PARVB: variants seen among roughly 807,000 people sequenced by gnomAD.
PARVB encodes the protein beta-parvin.
Under a neutral mutation model 47.0 loss-of-function variants are expected in PARVB, and 46 were observed. That is an observed-to-expected ratio of 0.98 (90% CI 0.77 to 1.25). The LOEUF (loss-of-function observed/expected upper bound fraction) is 1.25, where lower values mean the gene tolerates loss of function less well. Ranked by LOEUF, PARVB falls within the 50% of genes most tolerant of loss-of-function variation. The pLI is 0.00. For synonymous variants in PARVB, 196 were observed against 196.3 expected (o/e 1.00, Z 0.01); for missense variants, 473 against 471.6 (o/e 1.00, Z -0.03).
intron 2 of PARVB, among the ~76,000 whole-genome samples, chr22:44,006,079 A>G (rs2050461470): frequency 6.6e-6 from 1 of 152,200 alleles, no homozygotes; most frequent in Non-Finnish European, 1.5e-5. Context: ...AATAGCTGGG[A>G]CCACAGGCGC....
chr22:44,042,494 G>A (rs1175553610), intron 1 of PARVB, among the ~76,000 whole-genome samples: 3 of 152,232 alleles, frequency 2.0e-5, no homozygotes, highest in Non-Finnish European at 2.9e-5. Context: ...GGTTACAGCT[G>A]TAGGCATTTG....
intron 8 of PARVB, chr22:44,141,543 G>A (rs1725160411): frequency 6.6e-6 from 1 of 152,198 alleles, no homozygotes; most frequent in Non-Finnish European, 1.5e-5. Flanking sequence ...GATTAAGGGT[G>A]GTCTGCCTTT....
At chr22:44,020,085 T>C (rs1330956732), upstream of PARVB, among the ~76,000 whole-genome samples, 1 of 151,512 alleles carries the variant, frequency 6.6e-6, no homozygotes, top group Non-Finnish European at 1.5e-5. Context: ...CAGCTGGGTG[T>C]CCCCCAGTCC....
intron 4 of PARVB, among the ~76,000 whole-genome samples, chr22:44,123,706 C>T (rs777584649): frequency 1.2e-4 from 18 of 151,800 alleles, no homozygotes; most frequent in African/African-American, 4.1e-4. Context: ...TGAGCCACTG[C>T]GCCTGGCCAA....
intron 1 of PARVB, among the ~76,000 whole-genome samples, chr22:44,044,639 C>A (rs1296967671): frequency 6.6e-6 from 1 of 152,070 alleles, no homozygotes; most frequent in Non-Finnish European, 1.5e-5. Flanking sequence ...GCATGCACCA[C>A]CACACCCAGC....
At chr22:44,131,215 T>C (rs6006670) in intron 4 of PARVB, among the ~76,000 whole-genome samples, 40,485 of 149,718 alleles carry the variant, frequency 0.27, 5,841 homozygotes, top group East Asian at 0.58. Flanking sequence ...GATCTTGGCT[T>C]ACTGCAACCT....
Position 44,172,843 on chromosome 22 carries a change from A to C in PARVB, c.*4165A>C. 2.9e-6 allele frequency: 2 copies of C among 688,558 alleles called. No homozygotes were observed. The highest frequency in any genetic ancestry group is 4.2e-6 in the Non-Finnish European group (2 of 478,724). The allele number at this position is 688,558 out of a possible 1,614,324, so 42.7% of individuals were successfully genotyped here. Reference sequence around the variant, plus strand: ...GCGCTTTTCAGGAGCTCACTGCAACACCGGGCAAACACTTCTTCCGCCAGG... The same window carrying C: ...GCGCTTTTCAGGAGCTCACTGCAACCCCGGGCAAACACTTCTTCCGCCAGG... On this transcript the variant is annotated 3_prime_UTR_variant, in exon 13 of 13. Transcript: ENST00000338758.
chr22:44,123,707 G>C (rs906479188), intron 4 of PARVB, among the ~76,000 whole-genome samples: 1 of 151,324 alleles, frequency 6.6e-6, no homozygotes, highest in Non-Finnish European at 1.5e-5. Context: ...GAGCCACTGC[G>C]CCTGGCCAAT....
rs922391462 is a variant in PARVB at position 44,109,026 on chromosome 22, C to T, written c.273+8903C>T. 2.0e-5 allele frequency: 3 copies of T among 152,184 alleles called. No individual in the cohort carries two copies. The East Asian group carries it at 5.8e-4, about 29-fold the overall frequency. The allele number at this position is 152,184 out of a possible 1,614,324, so 9.4% of individuals were successfully genotyped here. On this transcript the variant is annotated intron_variant, in intron 3 of 12. Transcript: ENST00000338758. ...TGCGTCTCCCCCCAAGAGCAGGTTT[C>T]ACATCTCATTCCCCGGTTGATTGGA...
rs34458142 is a variant in PARVB at position 44,168,669 on chromosome 22, C to T, written c.1086C>T (p.Asn362=). 7.4e-4 allele frequency: 1,190 copies of T among 1,608,420 alleles called. 9 individuals are homozygous for T. In the African/African-American group the frequency reaches 0.012, roughly 16 times the overall value. Residue 362 remains asparagine, a synonymous_variant, in exon 13 of 13, where the codon AAC becomes AAT. Coordinates refer to ENST00000338758, the MANE Select transcript of PARVB (RefSeq NM_013327.5). ...ACAACCTGTTCACCAAGTACAAGAA[C>T]GTGGAGTGACGGGGGAGCTGTGGAT... ...VLYNLFTKYK[N]VE
At chr22:44,063,883 C>T (rs370632513) in intron 1 of PARVB, among the ~76,000 whole-genome samples, 1 of 152,158 alleles carries the variant, frequency 6.6e-6, no homozygotes, top group Non-Finnish European at 1.5e-5. Flanking sequence ...CCGATGTGCT[C>T]TCTGTTGCCA....
At chr22:44,086,794 T>G (rs190565069) in intron 1 of PARVB, 4 of 985,464 alleles carry the variant, frequency 4.1e-6, no homozygotes, top group East Asian at 1.1e-4. Flanking sequence ...AAATTACAGC[T>G]TCTACGAAGA....
intron 2 of PARVB, among the ~76,000 whole-genome samples, chr22:44,013,429 C>T (rs1036170206): frequency 6.6e-6 from 1 of 152,212 alleles, no homozygotes; most frequent in Non-Finnish European, 1.5e-5. Flanking sequence ...ACCACCAGAT[C>T]AGGCTGCACA....
chr22:44,016,328 C>T (rs1349541832), intron 2 of PARVB, among the ~76,000 whole-genome samples: 2 of 151,924 alleles, frequency 1.3e-5, no homozygotes, highest in African/African-American at 2.4e-5. Flanking sequence ...GATCTCCTGA[C>T]TTCGTGATCC....
rs546257147 is a variant in PARVB at position 44,083,617 on chromosome 22, G to A, written c.113-10311G>A. ...TGACCTGAAGTGAAGGGCATTGCAG[G>A]TTGTGGGGACAGTCGAGCAGAGGGG... On this transcript the variant is annotated intron_variant, in intron 1 of 12. Transcript: ENST00000338758. 2.6e-5 allele frequency among the ~76,000 whole-genome samples: 4 copies of A among 152,268 alleles called. No individual in the cohort carries two copies. In the South Asian group the frequency reaches 8.3e-4, roughly 32 times the overall value.
At chr22:44,166,531 C>G (rs192835214) in intron 12 of PARVB, among the ~76,000 whole-genome samples, 4 of 152,346 alleles carry the variant, frequency 2.6e-5, no homozygotes, top group Admixed American at 2.6e-4. Context: ...ACTCATCTGC[C>G]GCTGGACGGC....
intron 2 of PARVB, among the ~76,000 whole-genome samples, chr22:44,003,740 G>A (rs1327349217): frequency 6.6e-6 from 1 of 152,184 alleles, no homozygotes; most frequent in Non-Finnish European, 1.5e-5. Flanking sequence ...CACTTCCTTT[G>A]TTCGCTTATT....
intron 1 of PARVB, among the ~76,000 whole-genome samples, chr22:44,027,747 A>G (rs2050754129): frequency 6.6e-6 from 1 of 151,608 alleles, no homozygotes; most frequent in African/African-American, 2.4e-5. Context: ...AAAACGCAAA[A>G]ATTAGCCGGG....
intron 3 of PARVB, chr22:44,114,845 A>C (rs919132621): frequency 1.4e-5 from 2 of 139,594 alleles, no homozygotes; most frequent in African/African-American, 5.7e-5. Context: ...CCCTGTACCA[A>C]CACAGATACA....
Sources: allele counts gnomAD v4.1 joint callset (sites outside exome capture counted in the v4.1 genomes callset), GRCh38; gene constraint gnomAD v4.1.1; transcripts MANE v1.5; gene names NCBI Gene and HGNC (gene_info 2026-07-23, HGNC 2026-07-21).